The following FRMD5 variants were observed in gnomAD, a reference collection of about 807,000 sequenced individuals.
FRMD5 encodes FERM domain containing 5.
Under a neutral mutation model 69.0 loss-of-function variants are expected in FRMD5, and 20 were observed. The ratio of observed to expected loss-of-function variants is 0.29; its 90% CI spans 0.20 to 0.42. The LOEUF is 0.42. Ranked by LOEUF, FRMD5 falls within the 10% of genes least tolerant of loss-of-function variation. The pLI, the probability that FRMD5 is intolerant of heterozygous loss-of-function variation, is 1.00. For missense variants in FRMD5, 595 were observed against 708.6 expected (o/e 0.84, Z 1.82); for synonymous variants, 271 against 260.1 (o/e 1.04, Z -0.40).
intron 1 of FRMD5, among the ~76,000 whole-genome samples, chr15:44,170,885 C>A (rs114183016): frequency 2.0e-3 from 299 of 152,240 alleles, no homozygotes; most frequent in African/African-American, 6.9e-3. Context: ...AAGAGACTTA[C>A]TATCGATTTT....
chr15:43,941,783 C>G (rs1880833475), intron 1 of FRMD5, among the ~76,000 whole-genome samples: 1 of 152,168 alleles, frequency 6.6e-6, no homozygotes, highest in Non-Finnish European at 1.5e-5. Context: ...GTGAGCTCAG[C>G]TGCACCTAAA....
At chr15:44,100,026 T>C (rs979303353) in intron 1 of FRMD5, among the ~76,000 whole-genome samples, 2 of 151,668 alleles carry the variant, frequency 1.3e-5, no homozygotes, top group Non-Finnish European at 2.9e-5. Context: ...ATCCTGACTG[T>C]ATCTAATAGC....
chr15:44,063,857 C>G lies in FRMD5; in HGVS notation c.102+131096G>C, dbSNP rs180704481. 1,118 of 274,720 alleles carry G rather than the reference C, an allele frequency of 4.1e-3. 5 individuals are homozygous for G. Among genetic ancestry groups the G allele is most frequent in the Middle Eastern group, 0.015 (11 of 736 alleles). The allele number at this position is 274,720 out of a possible 1,614,324, so 17.0% of individuals were successfully genotyped here. On this transcript the variant is annotated intron_variant, in intron 1 of 13. Transcript: ENST00000417257. ...GCTGGGACTCATTTAGACGGGGGAA[C>G]CAAAAAGGTCATCATCTCTGCCCCC...
At chr15:43,932,613 T>A (rs975208568) in intron 1 of FRMD5, among the ~76,000 whole-genome samples, 4 of 151,992 alleles carry the variant, frequency 2.6e-5, no homozygotes, top group African/African-American at 9.7e-5. Flanking sequence ...TTAATTAGAA[T>A]AAAAAGAAAA....
intron 1 of FRMD5, among the ~76,000 whole-genome samples, chr15:44,039,964 T>C (rs950131544): frequency 7.2e-5 from 11 of 151,782 alleles, no homozygotes; most frequent in African/African-American, 9.7e-5. Flanking sequence ...GAATAACTAC[T>C]TTAGAGAAGA....
chr15:44,197,959 G>A (rs1466662309), upstream of FRMD5, among the ~76,000 whole-genome samples: 2 of 152,124 alleles, frequency 1.3e-5, no homozygotes, highest in African/African-American at 2.4e-5. Context: ...AATCAACAGA[G>A]GTGAGACTGT....
intron 1 of FRMD5, among the ~76,000 whole-genome samples, chr15:44,049,684 T>C (rs959820781): frequency 2.0e-5 from 3 of 152,238 alleles, no homozygotes; most frequent in Non-Finnish European, 2.9e-5. Flanking sequence ...TCCATTTGCA[T>C]TTAAAATCCT....
At chr15:43,932,620 A>G (rs1375810899) in intron 1 of FRMD5, among the ~76,000 whole-genome samples, 1 of 152,210 alleles carries the variant, frequency 6.6e-6, no homozygotes, top group Admixed American at 6.5e-5. Flanking sequence ...GAATAAAAAG[A>G]AAAAAAGCAT....
At chr15:44,132,323 C>T (rs977138348) in intron 1 of FRMD5, among the ~76,000 whole-genome samples, 3 of 152,118 alleles carry the variant, frequency 2.0e-5, no homozygotes, top group South Asian at 2.1e-4. Context: ...GTCCATGGCC[C>T]GTGGGTTGGG....
intron 4 of FRMD5, among the ~76,000 whole-genome samples, chr15:43,917,098 A>C (rs2089403795): frequency 6.6e-6 from 1 of 151,778 alleles, no homozygotes; most frequent in African/African-American, 2.4e-5. Context: ...TATTATTAAG[A>C]GCTCTTCCTA....
At chr15:44,119,553 G>C (rs564302522) in intron 1 of FRMD5, among the ~76,000 whole-genome samples, 1 of 152,040 alleles carries the variant, frequency 6.6e-6, no homozygotes, top group African/African-American at 2.4e-5. Flanking sequence ...CCCTGGGAGG[G>C]ATATTTTAAA....
intron 1 of FRMD5, among the ~76,000 whole-genome samples, chr15:44,093,369 A>T (rs1469529408): frequency 6.6e-6 from 1 of 151,918 alleles, no homozygotes; most frequent in Non-Finnish European, 1.5e-5. Flanking sequence ...ACTTGATCTT[A>T]TCAGGGGTAG....
At chr15:44,086,987 C>T (rs1894221931) in intron 1 of FRMD5, among the ~76,000 whole-genome samples, 1 of 152,142 alleles carries the variant, frequency 6.6e-6, no homozygotes, top group African/African-American at 2.4e-5. Flanking sequence ...ACAACAATGG[C>T]TTTATCTGTT....
chr15:44,044,930 C>T (rs1892366989), intron 1 of FRMD5, among the ~76,000 whole-genome samples: 1 of 152,036 alleles, frequency 6.6e-6, no homozygotes, highest in Admixed American at 6.6e-5. Flanking sequence ...TTCTCATTCC[C>T]TTTGTTTCCC....
intron 1 of FRMD5, among the ~76,000 whole-genome samples, chr15:43,991,632 T>G (rs1200307104): frequency 6.6e-6 from 1 of 152,224 alleles, no homozygotes; most frequent in East Asian, 1.9e-4. Flanking sequence ...TGATCTGTCT[T>G]TGGTGCTGAT....
intron 1 of FRMD5, among the ~76,000 whole-genome samples, chr15:44,066,696 A>G (rs1030352144): frequency 1.3e-5 from 2 of 152,210 alleles, no homozygotes; most frequent in Non-Finnish European, 2.9e-5. Flanking sequence ...GAGTTAGGTG[A>G]TAAGAACTTT....
chr15:43,928,475 T>C (rs1303740451), intron 1 of FRMD5, among the ~76,000 whole-genome samples: 1 of 152,208 alleles, frequency 6.6e-6, no homozygotes, highest in African/African-American at 2.4e-5. Context: ...TGGAGTGGCC[T>C]GAGGCAGCAC....
At chr15:43,939,912 T>G (rs535866833) in intron 1 of FRMD5, among the ~76,000 whole-genome samples, 1 of 152,208 alleles carries the variant, frequency 6.6e-6, no homozygotes, top group South Asian at 2.1e-4. Context: ...CCAGGCGCGG[T>G]GGCTCATGTG....
intron 1 of FRMD5, among the ~76,000 whole-genome samples, chr15:43,940,184 A>AAAC (rs932684497): frequency 3.9e-5 from 6 of 152,192 alleles, no homozygotes; most frequent in Admixed American, 1.3e-4. Flanking sequence ...GTCTCAAAAC[A>AAAC]AACAACAACA....
Sources: gnomAD v4.1 joint callset for allele counts (sites outside exome capture counted in the v4.1 genomes callset) on GRCh38, gnomAD v4.1.1 for gene constraint, MANE v1.5 for transcripts, NCBI Gene and HGNC (gene_info 2026-07-23, HGNC 2026-07-21) for gene names.